OSBPL10: variants seen among roughly 807,000 people sequenced by gnomAD.
OSBPL10 encodes oxysterol binding protein like 10, also known as oxysterol-binding protein-related protein 10.
A neutral mutation model predicts 81.7 loss-of-function variants in OSBPL10; 49 were observed. The ratio of observed to expected loss-of-function variants is 0.60; its 90% confidence interval spans 0.48 to 0.76. The LOEUF (loss-of-function observed/expected upper bound fraction) is 0.76, where lower values mean the gene tolerates loss of function less well. Ranked by LOEUF, OSBPL10 falls within the 30% of genes least tolerant of loss-of-function variation. The pLI is 0.00. For synonymous variants in OSBPL10, 419 were observed against 383.6 expected (o/e 1.09, Z -1.08); for missense variants, 923 against 987.8 (o/e 0.93, Z 0.88).
At position 31,817,367 on chromosome 3, in the gene OSBPL10, C is replaced by T. The variant is rs139867174; in HGVS notation, c.729+12673G>A. Among the ~76,000 whole-genome samples the T allele has an allele frequency of 2.2e-3, 337 of 152,336 alleles. 3 individuals are homozygous for T. Among genetic ancestry groups the T allele is most frequent in the African/African-American group, 7.8e-3 (326 of 41,586 alleles). ...GAGGAGAGAGGCCAGACAGCAGGAA[C>T]AGACATCCTCAAGCCAGTAAGGGTA... On this transcript the variant is annotated intron_variant, in intron 4 of 11. Coordinates refer to ENST00000396556, the MANE Select transcript of OSBPL10 (RefSeq NM_017784.5).
At chr3:31,713,851 T>C (rs1221616360) in intron 6 of OSBPL10, 1 of 152,286 alleles carries the variant, frequency 6.6e-6, no homozygotes, top group African/African-American at 2.4e-5. Context: ...TATATGTGCA[T>C]TTATCATCTC....
chr3:31,996,409 T>C (rs1250941846), intron 2 of OSBPL10, among the ~76,000 whole-genome samples: 1 of 152,198 alleles, frequency 6.6e-6, no homozygotes, highest in Non-Finnish European at 1.5e-5. Context: ...ACTTTGAGTG[T>C]TTCTCAACCT....
chr3:31,976,708 C>T (rs1253652014), intron 1 of OSBPL10, among the ~76,000 whole-genome samples: 1 of 152,172 alleles, frequency 6.6e-6, no homozygotes, highest in Non-Finnish European at 1.5e-5. Context: ...CCTCCCACCT[C>T]GGCCTCCCAA....
At chr3:31,707,575 C>G (rs1156817216) in intron 6 of OSBPL10, among the ~76,000 whole-genome samples, 1 of 152,126 alleles carries the variant, frequency 6.6e-6, no homozygotes, top group Non-Finnish European at 1.5e-5. Context: ...CCATACACAT[C>G]TAGATATGAT....
chr3:32,072,265 G>A (rs1251946832), intron 1 of OSBPL10, among the ~76,000 whole-genome samples: 1 of 152,118 alleles, frequency 6.6e-6, no homozygotes, highest in Non-Finnish European at 1.5e-5. Context: ...AAGGAAGCTG[G>A]AGTCATACAC....
At chr3:31,948,299 A>G (rs1697761755) in intron 1 of OSBPL10, among the ~76,000 whole-genome samples, 1 of 152,104 alleles carries the variant, frequency 6.6e-6, no homozygotes, top group Non-Finnish European at 1.5e-5. Context: ...GAGTCTTTTC[A>G]TCTTTCCATC....
At position 31,822,913 on chromosome 3, in the gene OSBPL10, T is replaced by TAAAAAAAAA. The variant is rs71097447; in HGVS notation, c.729+7118_729+7126dup. 8.2e-4 allele frequency among the ~76,000 whole-genome samples: 73 copies of TAAAAAAAAA among 89,080 alleles called. 2 individuals carry two copies. Among genetic ancestry groups the TAAAAAAAAA allele is most frequent in the African/African-American group, 2.4e-3 (61 of 25,456 alleles). The allele number at this position is 89,080 out of a possible 152,430, so 58.4% of individuals were successfully genotyped here. On this transcript the variant is annotated intron_variant, in intron 4 of 11. Coordinates refer to ENST00000396556, the MANE Select transcript of OSBPL10 (RefSeq NM_017784.5). ...TCCAACAGAGTGAGACCCCCAACTC[T>TAAAAAAAAA]AAAAAAAAAAAAAAAGTTAAAATAG...
Position 31,879,780 on chromosome 3 carries a change from T to C in OSBPL10, c.332A>G (p.Glu111Gly). ...EAGILQYFVN[E>G]QSKHQKPRGV... is the part of the protein sequence containing the mutation. ...TCGAGGCTTCTGGTGTTTGCTTTGCTCATTCACAAAATACTGCAGGATGCC... is the reference window on the plus strand; with the variant it reads ...TCGAGGCTTCTGGTGTTTGCTTTGCCCATTCACAAAATACTGCAGGATGCC... Residue 111 changes from glutamate to glycine, a missense_variant, in exon 2 of 12, where the codon GAG becomes GGG. Glu to Gly is a moderately conservative substitution (Grantham distance 98). Transcript: ENST00000396556. The C allele has an allele frequency of 1.2e-6, 2 of 1,614,138 alleles. No individual in the cohort carries two copies. Among genetic ancestry groups the C allele is most frequent in the Non-Finnish European group, 1.7e-6 (2 of 1,180,030 alleles).
chr3:31,785,484 G>C (rs778201567), intron 4 of OSBPL10, among the ~76,000 whole-genome samples: 1 of 152,090 alleles, frequency 6.6e-6, no homozygotes, highest in Non-Finnish European at 1.5e-5. Context: ...TCCCAGACTG[G>C]AATCCATCTG....
chr3:31,755,866 G>C lies in OSBPL10; in HGVS notation c.730-7746C>G, dbSNP rs1050133135. 2.0e-5 allele frequency among the ~76,000 whole-genome samples: 3 copies of C among 152,304 alleles called. 1 individual carries two copies. The highest frequency in any genetic ancestry group is 6.8e-3 in the Middle Eastern group (2 of 294). On this transcript the variant is annotated intron_variant, in intron 4 of 11. Transcript: ENST00000396556. The stretch of plus-strand genomic sequence containing the variant: ...ACTCAAAAGACACTTTCTGAAGATG[G>C]GGGGAGATAAGCCTTCTGCAGTTCC...
At chr3:32,058,628 G>C (rs1191857349) in intron 1 of OSBPL10, among the ~76,000 whole-genome samples, 1 of 152,092 alleles carries the variant, frequency 6.6e-6, no homozygotes, top group African/African-American at 2.4e-5. Flanking sequence ...CACCCAGCCT[G>C]AACTATTCAA....
chr3:31,714,233 C>T lies in OSBPL10; in HGVS notation c.1096-11725G>A, dbSNP rs951753501. ...TTCCTTCTCCTCTACTCGGTATACACGTAAGGCTCTGTGTTAGGCGCAGAG... is the reference window on the plus strand; with the variant it reads ...TTCCTTCTCCTCTACTCGGTATACATGTAAGGCTCTGTGTTAGGCGCAGAG... On this transcript the variant is annotated intron_variant, in intron 6 of 11. Transcript: ENST00000396556. 5.9e-5 allele frequency among the ~76,000 whole-genome samples: 9 copies of T among 152,278 alleles called. 2 individuals carry two copies. The highest frequency in any genetic ancestry group is 2.6e-4 in the Admixed American group (4 of 15,294).
chr3:31,692,116 T>C (rs1052162124), intron 7 of OSBPL10, among the ~76,000 whole-genome samples: 1 of 152,156 alleles, frequency 6.6e-6, no homozygotes, highest in Non-Finnish European at 1.5e-5. Context: ...TATAGAAAGA[T>C]ATCTGTTGAA....
chr3:31,978,972 A>C (rs964500262), intron 1 of OSBPL10, among the ~76,000 whole-genome samples: 2 of 152,202 alleles, frequency 1.3e-5, no homozygotes, highest in African/African-American at 4.8e-5. Context: ...GCAAGGTAAA[A>C]TATTGTTCCC....
intron 1 of OSBPL10, chr3:31,919,260 T>G (rs1246077792): frequency 6.6e-6 from 1 of 152,170 alleles, no homozygotes; most frequent in East Asian, 1.9e-4. Flanking sequence ...ACATATCAAA[T>G]CCACTTAGAA....
chr3:31,753,253 C>T (rs1437378216), intron 4 of OSBPL10, among the ~76,000 whole-genome samples: 1 of 150,776 alleles, frequency 6.6e-6, no homozygotes, highest in African/African-American at 2.4e-5. Flanking sequence ...AATAGCTTGA[C>T]CTCAGCTCAC....
At position 31,981,100 on chromosome 3, in the gene OSBPL10, G is replaced by T; in HGVS notation, c.80C>A (p.Ala27Glu). The change falls in exon 1 of 12, where the codon GCG (alanine) becomes GAG (glutamate). Residue 27 changes from alanine (A) to glutamate (E), a missense_variant. Transcript: ENST00000396556. The surrounding 1 kb of genome is among the most constrained non-coding windows in gnomAD (Gnocchi z 4.5). ...CAGAGAGCAGGAGGGCGAGGAGCCC[G>T]CCGAGGTAGCACGGCTGCTGCTGCG... ...SSRSSSRATSAGSSPSCSLAG... is the reference protein window; with the variant it reads ...SSRSSSRATSEGSSPSCSLAG... The T allele has an allele frequency of 6.7e-7, 1 of 1,492,866 alleles. No homozygotes were observed. The highest frequency in any genetic ancestry group is 1.3e-5 in the South Asian group (1 of 79,338). The allele number at this position is 1,492,866 out of a possible 1,614,324, so 92.5% of individuals were successfully genotyped here. A position where few individuals can be genotyped will look rare whatever the true frequency, so the allele number is the denominator to read the frequency against.
At chr3:31,783,146 T>TATATATATATATATATATACAC (rs1485968747) in intron 4 of OSBPL10, among the ~76,000 whole-genome samples, 13 of 112,986 alleles carry the variant, frequency 1.2e-4, no homozygotes, top group African/African-American at 3.8e-4. Context: ...TATATATATA[T>TATATATATATATATATATACAC]ACACACACAC....
Position 31,876,477 on chromosome 3 carries a change from G to C in OSBPL10, c.493C>G (p.Gln165Glu). 1 of 1,613,630 alleles carries C rather than the reference G, an allele frequency of 6.2e-7. No homozygotes were observed. The highest frequency in any genetic ancestry group is 1.1e-5 in the South Asian group (1 of 91,060). Reference sequence around the variant, plus strand: ...TGGTATTTGGCACAAGCTCGAAGCTGAGTCACCCAGAATTGTTTCTCTTTT... The same window carrying C: ...TGGTATTTGGCACAAGCTCGAAGCTCAGTCACCCAGAATTGTTTCTCTTTT... Reference protein sequence around the residue: ...DAKEKQFWVTQLRACAKYHME... With the variant: ...DAKEKQFWVTELRACAKYHME... Residue 165 changes from glutamine (Q) to glutamate (E), a missense_variant, in exon 3 of 12, where the codon CAG becomes GAG. Gln to Glu is a conservative substitution (Grantham distance 29). Coordinates refer to ENST00000396556, the MANE Select transcript of OSBPL10 (RefSeq NM_017784.5).
Sources: allele counts gnomAD v4.1 joint callset (sites outside exome capture counted in the v4.1 genomes callset), GRCh38; gene constraint gnomAD v4.1.1; non-coding constraint Gnocchi (gnomAD v3.1); transcripts MANE v1.5; gene names NCBI Gene and HGNC (gene_info 2026-07-23, HGNC 2026-07-21).